Variants in TRIM67 observed in about 807,000 individuals in gnomAD.
TRIM67 encodes tripartite motif containing 67.
In TRIM67, 39 loss-of-function variants were observed where a neutral mutation model predicts 71.0. The observed-to-expected ratio is 0.55, with a 90% CI of 0.43 to 0.72. The LOEUF (loss-of-function observed/expected upper bound fraction) is 0.72. Among genes scored for constraint, TRIM67 ranks in the 30% least tolerant of loss-of-function variants. The pLI is 0.00. For synonymous variants in TRIM67, 481 were observed against 473.9 expected (o/e 1.01, Z -0.19); for missense variants, 973 against 1,079.2 (o/e 0.90, Z 1.38).
In TRIM67 at chr1:231,213,915, ACAGC is replaced by A. The variant is rs1444506180; in HGVS notation, c.2226_2229del (p.Ala743SerfsTer64). ...CATCAACGGGCAGCAGCAGGGCCCCACAGCCTTCAGCCACGTGGACGGGGTCTTC... is the reference window on the plus strand; with the variant it reads ...CATCAACGGGCAGCAGCAGGGCCCCACTTCAGCCACGTGGACGGGGTCTTC... On this transcript the variant is annotated frameshift_variant, in exon 9 of 10. Transcript: ENST00000366653. LOFTEE classifies it high-confidence loss of function. 2 of 1,613,772 alleles carry A rather than the reference ACAGC, an allele frequency of 1.2e-6. No homozygotes were observed. The highest frequency in any genetic ancestry group is 1.7e-5 in the Admixed American group (1 of 59,984).
intron 1 of TRIM67, among the ~76,000 whole-genome samples, chr1:231,167,248 C>T (rs1397683341): frequency 1.3e-5 from 2 of 151,416 alleles, no homozygotes; most frequent in Non-Finnish European, 2.9e-5. Flanking sequence ...GAGTCAGCAC[C>T]TCACAAAAGC....
intron 1 of TRIM67, chr1:231,184,140 C>T (rs1187791966): frequency 6.6e-6 from 1 of 152,064 alleles, no homozygotes; most frequent in Non-Finnish European, 1.5e-5. Flanking sequence ...AGTTTGCCAA[C>T]TGGGGAGACT....
chr1:231,206,909 G>A (rs997626144), intron 7 of TRIM67, 119 bp downstream of exon 7: 27 of 1,155,406 alleles, frequency 2.3e-5, no homozygotes, highest in South Asian at 1.6e-4. Flanking sequence ...TGCTGGGCAC[G>A]GCTGGGTTCT....
At chr1:231,210,022 A>C (rs780837254) in intron 8 of TRIM67, among the ~76,000 whole-genome samples, 1 of 152,148 alleles carries the variant, frequency 6.6e-6, no homozygotes. Flanking sequence ...CCTGCACCAT[A>C]GCTCTGTACT....
Position 231,218,633 on chromosome 1 carries a change from A to G in TRIM67, c.*3193A>G. The G allele has an allele frequency of 2.0e-6, 2 of 985,456 alleles. No homozygotes were observed. The highest frequency in any genetic ancestry group is 2.4e-6 in the Non-Finnish European group (2 of 829,946). 61.0% of individuals were successfully genotyped at this position (985,456 alleles called of 1,614,324 possible). ...GGGAAAATAATGATTCCAATTAAAG[A>G]GGACACCAGTAATACTGACCCACAA... is the stretch of plus-strand genomic sequence containing the variant. On this transcript the variant is annotated 3_prime_UTR_variant, in exon 10 of 10. Coordinates refer to ENST00000366653, the MANE Select transcript of TRIM67 (RefSeq NM_001004342.5).
intron 1 of TRIM67, chr1:231,184,683 G>T (rs1683006152): frequency 5.6e-6 from 2 of 357,468 alleles, no homozygotes; most frequent in Non-Finnish European, 1.0e-5. Context: ...GATAATGGAA[G>T]GTCAACAGCA....
At chr1:231,211,325 A>C (rs1683863402) in intron 8 of TRIM67, among the ~76,000 whole-genome samples, 1 of 152,016 alleles carries the variant, frequency 6.6e-6, no homozygotes, top group Non-Finnish European at 1.5e-5. Flanking sequence ...GAGAAGGTAG[A>C]GAGAACCTGC....
Position 231,201,529 on chromosome 1 carries a change from T to C in TRIM67, c.1534+12T>C. ...GATGAAATGTAGGGGTGAGCCGCGGTTGGCCCCAGTTCAGTCAGTGCTTCT... is the reference window on the plus strand; with the variant it reads ...GATGAAATGTAGGGGTGAGCCGCGGCTGGCCCCAGTTCAGTCAGTGCTTCT... On this transcript the variant is annotated intron_variant, in intron 5 of 9. Coordinates refer to ENST00000366653, the MANE Select transcript of TRIM67 (RefSeq NM_001004342.5). The C allele has an allele frequency of 6.8e-6, 11 of 1,612,332 alleles. No individual in the cohort carries two copies. The highest frequency in any genetic ancestry group is 9.3e-6 in the Non-Finnish European group (11 of 1,179,250).
intron 1 of TRIM67, among the ~76,000 whole-genome samples, chr1:231,193,670 A>G (rs1022156033): frequency 6.6e-6 from 1 of 152,128 alleles, no homozygotes; most frequent in Non-Finnish European, 1.5e-5. Flanking sequence ...ATGATTCTGC[A>G]GGCTGTACAA....
intron 5 of TRIM67, among the ~76,000 whole-genome samples, 189 bp downstream of exon 5, chr1:231,201,706 G>A (rs889471146): frequency 1.8e-4 from 28 of 152,216 alleles, no homozygotes; most frequent in Non-Finnish European, 3.2e-4. Flanking sequence ...GTGAGCTGGG[G>A]TGAGAAGCAC....
chr1:231,181,380 G>A lies in TRIM67; in HGVS notation c.1045-15991G>A, dbSNP rs184358487. Among the ~76,000 whole-genome samples, 370 of 152,308 alleles carry A rather than the reference G, an allele frequency of 2.4e-3. 2 individuals are homozygous for A. Among genetic ancestry groups the A allele is most frequent in the African/African-American group, 8.3e-3 (344 of 41,564 alleles). ...GCCTGAATCCTGAAATGCAGAGGAC[G>A]GGAAATAGAGCTGCAGGTGACCTGC... On this transcript the variant is annotated intron_variant, in intron 1 of 9. Coordinates refer to ENST00000366653, the MANE Select transcript of TRIM67 (RefSeq NM_001004342.5).
At chr1:231,167,887 C>T (rs184575490) in intron 1 of TRIM67, among the ~76,000 whole-genome samples, 1 of 152,194 alleles carries the variant, frequency 6.6e-6, no homozygotes, top group East Asian at 1.9e-4. Context: ...AGGGATAATA[C>T]ATACGTGACA....
chr1:231,195,472 G>C (rs1024344984), intron 1 of TRIM67, among the ~76,000 whole-genome samples: 24 of 152,226 alleles, frequency 1.6e-4, no homozygotes, highest in African/African-American at 5.8e-4. Context: ...CTGTGGGCCA[G>C]CTATGGAGTG....
intron 1 of TRIM67, among the ~76,000 whole-genome samples, chr1:231,175,250 C>CAG (rs1209927083): frequency 4.6e-5 from 7 of 152,104 alleles, no homozygotes; most frequent in Admixed American, 2.6e-4. Flanking sequence ...GCACACAGTA[C>CAG]TGTCTCCCCA....
At chr1:231,201,826 A>T (rs1407900255) in intron 5 of TRIM67, among the ~76,000 whole-genome samples, 3 of 152,278 alleles carry the variant, frequency 2.0e-5, no homozygotes, top group Admixed American at 6.5e-5. Context: ...GCCAGGCACT[A>T]TTCCACATGC....
intron 1 of TRIM67, among the ~76,000 whole-genome samples, chr1:231,166,097 C>A (rs1682455821): frequency 6.6e-6 from 1 of 152,204 alleles, no homozygotes. Context: ...GCCAACAATG[C>A]AAAGTTATGA....
At chr1:231,172,887 GC>G (rs1269358673) in intron 1 of TRIM67, among the ~76,000 whole-genome samples, 1 of 152,228 alleles carries the variant, frequency 6.6e-6, no homozygotes, top group East Asian at 1.9e-4. Context: ...ATTATTTGTT[GC>G]CTTATGGTTG....
intron 1 of TRIM67, among the ~76,000 whole-genome samples, chr1:231,166,080 A>C (rs1682455193): frequency 6.6e-6 from 1 of 152,246 alleles, no homozygotes; most frequent in Non-Finnish European, 1.5e-5. Context: ...TAAAATTTCT[A>C]TCCTCAGCCA....
rs576607576 is a variant in TRIM67 at position 231,217,113 on chromosome 1, C to G, written c.*1673C>G. On this transcript the variant is annotated 3_prime_UTR_variant, in exon 10 of 10. Transcript: ENST00000366653. ...CCTGCCGGAGCCATGCAGGTACCCC[C>G]CCTCCACTCAGCAGGCCCGACAATC... 4.2e-5 allele frequency: 41 copies of G among 985,936 alleles called. No individual in the cohort carries two copies. The South Asian group carries it at 1.4e-3, about 33-fold the overall frequency. The allele number at this position is 985,936 out of a possible 1,614,324, so 61.1% of individuals were successfully genotyped here. A position where few individuals can be genotyped will look rare whatever the true frequency, so the allele number is the denominator to read the frequency against.
Sources: gnomAD v4.1 joint callset for allele counts (sites outside exome capture counted in the v4.1 genomes callset) on GRCh38, gnomAD v4.1.1 for gene constraint, MANE v1.5 for transcripts, NCBI Gene and HGNC (gene_info 2026-07-23, HGNC 2026-07-21) for gene names.